COL13A1: variants seen among roughly 807,000 people sequenced by gnomAD.
COL13A1 encodes collagen alpha-1(XIII) chain.
A neutral mutation model predicts 130.9 loss-of-function variants in COL13A1; 89 were observed. The observed-to-expected ratio is 0.68, with a 90% CI of 0.57 to 0.81. The LOEUF is 0.81. COL13A1 is among the 30% of genes least tolerant of loss of function. COL13A1 has a pLI of 0.00. For missense variants in COL13A1, 879 were observed against 934.6 expected (o/e 0.94, Z 0.78); for synonymous variants, 402 against 341.6 (o/e 1.18, Z -1.95).
At chr10:69,861,183 G>A (rs1039253450) in intron 2 of COL13A1, among the ~76,000 whole-genome samples, 1 of 152,222 alleles carries the variant, frequency 6.6e-6, no homozygotes, top group Non-Finnish European at 1.5e-5. Context: ...ATTGAAAGCA[G>A]GGGTTAGCCA....
chr10:69,948,935 G>A (rs373089879), intron 38 of COL13A1, among the ~76,000 whole-genome samples: 50 of 152,280 alleles, frequency 3.3e-4, no homozygotes, highest in African/African-American at 1.0e-3. Context: ...TCCCCTTCCC[G>A]ATGTTTGACA....
chr10:69,894,728 T>A, intron 12 of COL13A1, 27 bp downstream of exon 12: 2 of 1,613,492 alleles, frequency 1.2e-6, no homozygotes, highest in Non-Finnish European at 1.7e-6. Flanking sequence ...TTTCCTAGAG[T>A]CTCCATCTCA....
Position 69,906,164 on chromosome 10 carries a change from T to A in COL13A1, c.921+342T>A, listed in dbSNP as rs185955611. ...CAAGGCACTGCACGATTACAGGAGG[T>A]GGAGAGACAAATTTCAGGTTGAGAG... is the stretch of plus-strand genomic sequence containing the variant. On this transcript the variant is annotated intron_variant, in intron 17 of 40. Transcript: ENST00000645393. Among the ~76,000 whole-genome samples the A allele has an allele frequency of 1.1e-4, 17 of 152,064 alleles. No individual in the cohort carries two copies. The East Asian group carries it at 3.1e-3, about 28-fold the overall frequency.
intron 1 of COL13A1, among the ~76,000 whole-genome samples, chr10:69,819,660 C>G (rs565111981): frequency 6.6e-6 from 1 of 152,292 alleles, no homozygotes; most frequent in African/African-American, 2.4e-5. Flanking sequence ...GAAAGAGGCT[C>G]AGCCATCAGC....
chr10:69,941,623 A>T (rs2067654548), intron 35 of COL13A1, among the ~76,000 whole-genome samples: 1 of 152,126 alleles, frequency 6.6e-6, no homozygotes, highest in Admixed American at 6.5e-5. Context: ...TCGCCCTGCA[A>T]CCCAACATGG....
intron 17 of COL13A1, among the ~76,000 whole-genome samples, chr10:69,915,442 G>T (rs2063817490): frequency 6.6e-6 from 1 of 152,232 alleles, no homozygotes; most frequent in African/African-American, 2.4e-5. Flanking sequence ...GGGAACTAAA[G>T]ATTCTAGGCC....
intron 17 of COL13A1, among the ~76,000 whole-genome samples, chr10:69,906,514 C>T (rs1004921081): frequency 2.6e-5 from 4 of 152,054 alleles, no homozygotes; most frequent in African/African-American, 9.7e-5. Flanking sequence ...TTCCTTACAG[C>T]ACAGCAGGTC....
At chr10:69,949,489 T>G (rs1009650437) in intron 38 of COL13A1, among the ~76,000 whole-genome samples, 3 of 152,196 alleles carry the variant, frequency 2.0e-5, no homozygotes, top group African/African-American at 7.2e-5. Flanking sequence ...GCCCAGAGAT[T>G]TGTTTTATCT....
intron 1 of COL13A1, among the ~76,000 whole-genome samples, chr10:69,818,128 C>G (rs1487282364): frequency 6.6e-6 from 1 of 152,142 alleles, no homozygotes; most frequent in East Asian, 1.9e-4. Flanking sequence ...GTTCCACAAA[C>G]TCGCCATCTT....
At chr10:69,853,393 T>C (rs1020301044) in intron 2 of COL13A1, among the ~76,000 whole-genome samples, 2 of 152,150 alleles carry the variant, frequency 1.3e-5, no homozygotes, top group African/African-American at 2.4e-5. Context: ...TCGACTCAGC[T>C]TCTTAACCTT....
At chr10:69,822,261 T>A in intron 1 of COL13A1, 108 bp from the exon 2 acceptor site, 2 of 743,292 alleles carry the variant, frequency 2.7e-6, no homozygotes, top group Non-Finnish European at 4.1e-6. Context: ...CAGGAAGAGT[T>A]CTGCCGGTTT....
chr10:69,880,534 T>C lies in COL13A1; in HGVS notation c.494T>C (p.Ile165Thr), dbSNP rs970986129. 1.2e-6 allele frequency: 2 copies of C among 1,613,452 alleles called. No homozygotes were observed. Among genetic ancestry groups the C allele is most frequent in the Non-Finnish European group, 1.7e-6 (2 of 1,179,656 alleles). ...CCCGGAGACGCTGGGCTGTCCATCA[T>C]TGGTCCCCGCGGCCCCCCTGTAAGT... is the stretch of plus-strand genomic sequence containing the variant. ...GSPGDAGLSIIGPRGPPGQPG... is the reference protein window; with the variant it reads ...GSPGDAGLSITGPRGPPGQPG... Residue 165 changes from isoleucine to threonine, a missense_variant, in exon 7 of 41, where the codon ATT becomes ACT. Transcript: ENST00000645393.
intron 17 of COL13A1, among the ~76,000 whole-genome samples, chr10:69,906,054 G>A (rs78471345): frequency 0.01 from 1,557 of 152,322 alleles, 26 homozygotes; most frequent in African/African-American, 0.036. Flanking sequence ...ACATGGAGGG[G>A]TCCAGCTCTT....
chr10:69,882,310 T>C lies in COL13A1; in HGVS notation c.513+1757T>C, dbSNP rs114103169. Reference sequence around the variant, plus strand: ...TCTCACACCCTTTCAGCAAATTATGTCAACAGGCTACCAAAAAGTTATTGA... The same window carrying C: ...TCTCACACCCTTTCAGCAAATTATGCCAACAGGCTACCAAAAAGTTATTGA... On this transcript the variant is annotated intron_variant, in intron 7 of 40. Coordinates refer to ENST00000645393, the MANE Select transcript of COL13A1 (RefSeq NM_001368882.1). 6.3e-3 allele frequency among the ~76,000 whole-genome samples: 961 copies of C among 152,308 alleles called. 11 individuals are homozygous for C. The highest frequency in any genetic ancestry group is 0.022 in the African/African-American group (912 of 41,572).
rs372291215 is a variant in COL13A1 at position 69,935,360 on chromosome 10, T to A, written c.1739T>A (p.Leu580Gln). The change falls in exon 32 of 41, where the codon CTG (leucine) becomes CAG (glutamine). Residue 580 changes from leucine (L) to glutamine (Q), a missense_variant. Around this residue, in one of 3 missense-constraint regions of COL13A1, gnomAD observed 96 missense variants for 147.7 expected, o/e 0.65. Transcript: ENST00000645393. ...CCCTTTGGCTTTTAGGTTCCTGGGC[T>A]GCCAGGGCCAGAGGGGCCTCCCGGA... ...KGNPGAEVPG[L>Q]PGPEGPPGPP... 38 of 1,579,804 alleles carry A rather than the reference T, an allele frequency of 2.4e-5. No individual in the cohort carries two copies. The highest frequency in any genetic ancestry group is 1.5e-5 in the Non-Finnish European group (18 of 1,162,108).
chr10:69,945,793 CCG>C, intron 37 of COL13A1, 69 bp downstream of exon 37: 1 of 1,554,930 alleles, frequency 6.4e-7, no homozygotes, highest in Non-Finnish European at 8.7e-7. Flanking sequence ...CCACGGCCGG[CCG>C]GGCATGGTGG....
At chr10:69,815,386 G>C (rs555828543) in intron 1 of COL13A1, among the ~76,000 whole-genome samples, 1 of 152,152 alleles carries the variant, frequency 6.6e-6, no homozygotes, top group Non-Finnish European at 1.5e-5. Flanking sequence ...AGCTGCAACC[G>C]ATCAGGCGGG....
chr10:69,906,756 G>C (rs2062798703), intron 17 of COL13A1, among the ~76,000 whole-genome samples: 1 of 151,966 alleles, frequency 6.6e-6, no homozygotes, highest in African/African-American at 2.4e-5. Context: ...TTTTGAGACA[G>C]AGTCTAACTC....
intron 2 of COL13A1, among the ~76,000 whole-genome samples, chr10:69,846,380 G>C (rs1049139418): frequency 2.6e-5 from 4 of 152,140 alleles, no homozygotes; most frequent in Non-Finnish European, 5.9e-5. Context: ...AGCTGGGGTT[G>C]GGGTTGGGGG....
Sources: allele counts gnomAD v4.1 joint callset (sites outside exome capture counted in the v4.1 genomes callset), GRCh38; gene constraint gnomAD v4.1.1; regional missense constraint gnomAD v4.1.1; transcripts MANE v1.5; gene names NCBI Gene and HGNC (gene_info 2026-07-23, HGNC 2026-07-21).